ROBO2: variants seen among roughly 807,000 people sequenced by gnomAD.
ROBO2 encodes roundabout guidance receptor 2, also known as roundabout homolog 2.
ROBO2 carries 53 observed loss-of-function variants against 160.8 expected under a neutral mutation model. That is an observed-to-expected ratio of 0.33 (90% CI 0.26 to 0.41). ROBO2 has a LOEUF of 0.41. Ranked by LOEUF, ROBO2 falls within the 10% of genes least tolerant of loss-of-function variation. The probability of loss-of-function intolerance (pLI) is 1.00; values close to 1 mark genes in which losing one functional copy is unlikely to be tolerated. For missense variants in ROBO2, 1,577 were observed against 1,722.4 expected, an observed-to-expected ratio of 0.92 and a Z score of 1.49; for synonymous variants, 664 against 611.7, an observed-to-expected ratio of 1.09 and a Z score of -1.26.
At chr3:76,317,367 C>A (rs1456788526) in intron 2 of ROBO2, among the ~76,000 whole-genome samples, 1 of 152,130 alleles carries the variant, frequency 6.6e-6, no homozygotes, top group Non-Finnish European at 1.5e-5. Flanking sequence ...ATTTAAATGT[C>A]AGTTTTAGTT....
At chr3:76,616,742 G>A (rs2088615210) in intron 2 of ROBO2, among the ~76,000 whole-genome samples, 4 of 152,136 alleles carry the variant, frequency 2.6e-5, no homozygotes, top group African/African-American at 7.2e-5. Flanking sequence ...TGAATTTAGA[G>A]AGGTTTTTTG....
At chr3:77,632,137 T>C (rs2095176485) in intron 23 of ROBO2, 1 of 166,360 alleles carries the variant, frequency 6.0e-6, no homozygotes, top group South Asian at 2.0e-4. Flanking sequence ...AAGTTTGTTT[T>C]ACTAAAAGTG....
exon 9 of ROBO2, chr3:77,558,148 G>C (rs746150931): frequency 6.2e-7 from 1 of 1,611,442 alleles, no homozygotes; most frequent in Non-Finnish European, 8.5e-7. Flanking sequence ...AAGAATTTAC[G>C]GGTAAGTAAT....
chr3:76,269,744 C>G (rs1707317433), intron 2 of ROBO2, among the ~76,000 whole-genome samples: 1 of 151,906 alleles, frequency 6.6e-6, no homozygotes, highest in South Asian at 2.1e-4. Flanking sequence ...ATAGTAAGAC[C>G]TATTTCGTAT....
At chr3:76,648,577 T>C (rs919142558) in intron 2 of ROBO2, among the ~76,000 whole-genome samples, 4 of 152,188 alleles carry the variant, frequency 2.6e-5, no homozygotes, top group Admixed American at 6.5e-5. Context: ...TGTGATTATA[T>C]AGGAAAATGC....
intron 2 of ROBO2, among the ~76,000 whole-genome samples, chr3:77,195,033 A>T (rs1220087118): frequency 6.6e-6 from 1 of 152,104 alleles, no homozygotes; most frequent in Non-Finnish European, 1.5e-5. Flanking sequence ...CTATCAATAT[A>T]TTCCCTTTTA....
chr3:76,107,796 ATATTTTTCT>A (rs1347657881), intron 2 of ROBO2, among the ~76,000 whole-genome samples: 1 of 152,040 alleles, frequency 6.6e-6, no homozygotes, highest in Non-Finnish European at 1.5e-5. Context: ...TTTCCTCTTT[ATATTTTTCT>A]TATTTTTCCC....
At chr3:76,734,987 A>G (rs2093687065) in intron 2 of ROBO2, among the ~76,000 whole-genome samples, 1 of 152,244 alleles carries the variant, frequency 6.6e-6, no homozygotes, top group Non-Finnish European at 1.5e-5. Context: ...GTTGGTAGGA[A>G]TGTAAATTAG....
chr3:77,322,781 TTATAA>T lies in ROBO2; in HGVS notation c.389-154628_389-154624del, dbSNP rs917840438. ...TAATATATTATATTATACATATGTATTATAATATATTATGTAATATATTATATTAT... is the reference window on the plus strand; with the variant it reads ...TAATATATTATATTATACATATGTATTATATTATGTAATATATTATATTAT... On this transcript the variant is annotated intron_variant, in intron 2 of 25. Transcript: ENST00000461745. 1.7e-4 allele frequency among the ~76,000 whole-genome samples: 23 copies of T among 135,538 alleles called. No homozygotes were observed. The East Asian group carries it at 2.7e-3, about 16-fold the overall frequency. The allele number at this position is 135,538 out of a possible 152,430, so 88.9% of individuals were successfully genotyped here.
chr3:76,354,299 C>T (rs571451868), intron 2 of ROBO2, among the ~76,000 whole-genome samples: 1 of 151,974 alleles, frequency 6.6e-6, no homozygotes, highest in Admixed American at 6.6e-5. Flanking sequence ...TCAATACATA[C>T]ATTCGTATAA....
At chr3:76,748,941 T>G (rs1016658906) in intron 2 of ROBO2, among the ~76,000 whole-genome samples, 2 of 151,846 alleles carry the variant, frequency 1.3e-5, no homozygotes, top group African/African-American at 2.4e-5. Flanking sequence ...AAGCTAAAAT[T>G]CAACCATATT....
At chr3:76,902,101 T>C (rs1012960850) in intron 2 of ROBO2, among the ~76,000 whole-genome samples, 1 of 152,080 alleles carries the variant, frequency 6.6e-6, no homozygotes, top group African/African-American at 2.4e-5. Context: ...AACATTTATC[T>C]TAATCTAGAT....
intron 2 of ROBO2, among the ~76,000 whole-genome samples, chr3:76,261,523 A>G (rs1706762750): frequency 1.3e-5 from 2 of 152,038 alleles, no homozygotes; most frequent in Non-Finnish European, 2.9e-5. Context: ...ATTTTGTTGT[A>G]TAACCAACAC....
In ROBO2 at chr3:76,897,837, G is replaced by A. The variant is rs955542840; in HGVS notation, c.110-200177G>A. On this transcript the variant is annotated intron_variant, in intron 2 of 26. Transcript: ENST00000487694. ...ATTTGTCTGTCCAATGGCTATATCC[G>A]ATATTGATAGCATGTTGTTGTATAT... Among the ~76,000 whole-genome samples the A allele has an allele frequency of 5.9e-5, 9 of 151,952 alleles. No individual in the cohort carries two copies. In the South Asian group the frequency reaches 6.2e-4, roughly 11 times the overall value.
At chr3:76,279,459 G>A (rs549496121) in intron 2 of ROBO2, among the ~76,000 whole-genome samples, 19 of 151,814 alleles carry the variant, frequency 1.3e-4, no homozygotes, top group African/African-American at 4.3e-4. Flanking sequence ...TACCACTATG[G>A]CAAGCGAAAA....
intron 1 of ROBO2, among the ~76,000 whole-genome samples, chr3:77,046,228 T>C (rs1465284222): frequency 6.6e-6 from 1 of 152,210 alleles, no homozygotes; most frequent in Non-Finnish European, 1.5e-5. Flanking sequence ...ATGAAGTAGA[T>C]ATTTTCTTTT....
chr3:75,929,744 G>A (rs892624458), intron 1 of ROBO2, among the ~76,000 whole-genome samples: 3 of 152,028 alleles, frequency 2.0e-5, no homozygotes, highest in Non-Finnish European at 4.4e-5. Flanking sequence ...ACCCAGGCTG[G>A]AGTATAATGG....
At chr3:76,798,304 GAAAGAA>G (rs2063920442) in intron 2 of ROBO2, among the ~76,000 whole-genome samples, 1 of 149,798 alleles carries the variant, frequency 6.7e-6, no homozygotes, top group East Asian at 2.0e-4. Context: ...AAGAAAGAAA[GAAAGAA>G]AGAAAAAAGA....
intron 2 of ROBO2, among the ~76,000 whole-genome samples, chr3:76,432,516 T>C (rs1559935600): frequency 6.6e-6 from 1 of 152,106 alleles, no homozygotes; most frequent in Admixed American, 6.6e-5. Flanking sequence ...GACTTCACTG[T>C]TTCGATGATA....
Sources: allele counts gnomAD v4.1 joint callset (sites outside exome capture counted in the v4.1 genomes callset), GRCh38; gene constraint gnomAD v4.1.1; transcripts MANE v1.5; gene names NCBI Gene and HGNC (gene_info 2026-07-23, HGNC 2026-07-21).